SLC44A5: variants seen among roughly 807,000 people sequenced by gnomAD.
SLC44A5 encodes solute carrier family 44 member 5.
SLC44A5 carries 57 observed loss-of-function variants against 101.8 expected under a neutral mutation model. The observed-to-expected ratio is 0.56, with a 90% CI of 0.45 to 0.70. SLC44A5 has a LOEUF of 0.70. Among genes scored for constraint, SLC44A5 ranks in the 30% least tolerant of loss-of-function variants. The pLI, the probability that SLC44A5 is intolerant of heterozygous loss-of-function variation, is 0.00. For synonymous variants in SLC44A5, 281 were observed against 290.9 expected, an observed-to-expected ratio of 0.97 and a Z score of 0.35; for missense variants, 737 against 853.1, an observed-to-expected ratio of 0.86 and a Z score of 1.70.
the SLC44A5 span, among the ~76,000 whole-genome samples, chr1:75,709,507 G>A: frequency 1.3e-5 from 2 of 152,204 alleles, no homozygotes; most frequent in Non-Finnish European, 2.9e-5. Flanking sequence ...AAGTATGATA[G>A]TGGGGAGAAT....
In SLC44A5 at chr1:75,232,995, G is replaced by A. The variant is rs10493562; in HGVS notation, c.853+991C>T. Among the ~76,000 whole-genome samples the A allele has an allele frequency of 9.4e-3, 1,431 of 152,270 alleles. 30 individuals are homozygous for A. Among genetic ancestry groups the A allele is most frequent in the African/African-American group, 0.031 (1,306 of 41,560 alleles). On this transcript the variant is annotated intron_variant, in intron 12 of 23. Coordinates refer to ENST00000370859, the MANE Select transcript of SLC44A5 (RefSeq NM_001130058.2). ...AACTGTTGTCAGTCCAAATGGTGCC[G>A]TAGGGGAAATCATTCTTTTAAATAG...
At chr1:75,673,750 AGAG>A in the SLC44A5 span, among the ~76,000 whole-genome samples, 2 of 152,120 alleles carry the variant, frequency 1.3e-5, no homozygotes, top group Non-Finnish European at 2.9e-5. Flanking sequence ...GAAAGATAAG[AGAG>A]GAGAACAAGA....
intron 2 of SLC44A5, among the ~76,000 whole-genome samples, chr1:75,505,643 A>C (rs1414136163): frequency 2.0e-5 from 3 of 152,102 alleles, no homozygotes; most frequent in African/African-American, 7.2e-5. Context: ...TCGCTGTTTG[A>C]ATGTCTTCTT....
intron 3 of SLC44A5, among the ~76,000 whole-genome samples, chr1:75,350,359 T>C (rs1658555680): frequency 6.6e-6 from 1 of 151,654 alleles, no homozygotes; most frequent in Non-Finnish European, 1.5e-5. Flanking sequence ...CACACCCTGA[T>C]CTTCAACTTT....
upstream of SLC44A5, among the ~76,000 whole-genome samples, chr1:75,612,993 G>A (rs1675722033): frequency 6.6e-6 from 1 of 152,168 alleles, no homozygotes; most frequent in African/African-American, 2.4e-5. Flanking sequence ...ACAAATGAAT[G>A]CTAATGTCCC....
At chr1:75,324,785 T>G (rs1656447565) in intron 4 of SLC44A5, among the ~76,000 whole-genome samples, 1 of 152,210 alleles carries the variant, frequency 6.6e-6, no homozygotes, top group Non-Finnish European at 1.5e-5. Flanking sequence ...GTGACATTTG[T>G]TTTATTTTTA....
chr1:75,493,185 T>C (rs1668510238), intron 2 of SLC44A5, among the ~76,000 whole-genome samples: 1 of 152,176 alleles, frequency 6.6e-6, no homozygotes, highest in African/African-American at 2.4e-5. Flanking sequence ...ATAAAGCCCC[T>C]AATTTTTTTA....
At chr1:75,650,062 C>G in the SLC44A5 span, among the ~76,000 whole-genome samples, 1 of 152,076 alleles carries the variant, frequency 6.6e-6, no homozygotes. Context: ...CTCTCTCTCT[C>G]TCATTATTAT....
intron 6 of SLC44A5, among the ~76,000 whole-genome samples, chr1:75,269,830 G>A (rs1415082585): frequency 6.6e-6 from 1 of 152,072 alleles, no homozygotes; most frequent in Non-Finnish European, 1.5e-5. Context: ...TGGTTTGGCT[G>A]TATCCCCACC....
At chr1:75,227,139 A>G (rs1230768005) in intron 13 of SLC44A5, among the ~76,000 whole-genome samples, 1 of 152,088 alleles carries the variant, frequency 6.6e-6, no homozygotes, top group African/African-American at 2.4e-5. Flanking sequence ...CTGAGGTGGG[A>G]GGATCACTTG....
the SLC44A5 span, among the ~76,000 whole-genome samples, chr1:75,635,359 C>T: frequency 2.6e-5 from 4 of 152,084 alleles, no homozygotes; most frequent in Admixed American, 6.6e-5. Flanking sequence ...CACATGCACA[C>T]GTATGTTTAT....
chr1:75,621,867 A>T, the SLC44A5 span, among the ~76,000 whole-genome samples: 1 of 152,120 alleles, frequency 6.6e-6, no homozygotes, highest in Non-Finnish European at 1.5e-5. Flanking sequence ...TCCATTTTTT[A>T]AAAAATTTGT....
At chr1:75,537,848 A>C (rs1671140534) in intron 2 of SLC44A5, among the ~76,000 whole-genome samples, 1 of 152,182 alleles carries the variant, frequency 6.6e-6, no homozygotes, top group Non-Finnish European at 1.5e-5. Flanking sequence ...TTTAGGATCT[A>C]GGCACTGTGC....
At chr1:75,507,592 C>T (rs1669339936) in intron 2 of SLC44A5, among the ~76,000 whole-genome samples, 1 of 152,054 alleles carries the variant, frequency 6.6e-6, no homozygotes, top group Non-Finnish European at 1.5e-5. Context: ...AGTCCCTCCT[C>T]CTCGATTTTT....
intron 1 of SLC44A5, among the ~76,000 whole-genome samples, chr1:75,597,372 G>T (rs1674701720): frequency 6.6e-6 from 1 of 152,038 alleles, no homozygotes; most frequent in African/African-American, 2.4e-5. Context: ...TGGCCATGCT[G>T]CCCAAAGCAA....
At chr1:75,337,742 T>A (rs1452690791) in intron 4 of SLC44A5, among the ~76,000 whole-genome samples, 3 of 152,152 alleles carry the variant, frequency 2.0e-5, no homozygotes, top group Non-Finnish European at 4.4e-5. Flanking sequence ...TGCATGACCA[T>A]CATCCCTTCG....
intron 4 of SLC44A5, among the ~76,000 whole-genome samples, chr1:75,317,941 A>G (rs1397215901): frequency 3.9e-5 from 6 of 152,214 alleles, no homozygotes; most frequent in Non-Finnish European, 8.8e-5. Flanking sequence ...TCTGGGGGAC[A>G]CAAACCTTCA....
chr1:75,227,667 G>T, intron 13 of SLC44A5, 59 bp downstream of exon 13: 1 of 1,411,402 alleles, frequency 7.1e-7, no homozygotes. Context: ...TTTCCTTTAG[G>T]CAAAAAGATA....
chr1:75,476,268 C>T (rs919566350), intron 2 of SLC44A5, among the ~76,000 whole-genome samples: 4 of 152,100 alleles, frequency 2.6e-5, no homozygotes, highest in African/African-American at 7.2e-5. Context: ...AACTGGGGAG[C>T]AGCCAAGATG....
Sources: gnomAD v4.1 joint callset for allele counts (sites outside exome capture counted in the v4.1 genomes callset) on GRCh38, gnomAD v4.1.1 for gene constraint, MANE v1.5 for transcripts, NCBI Gene and HGNC (gene_info 2026-07-23, HGNC 2026-07-21) for gene names.